The following YTHDF2 variants were observed in gnomAD, a reference collection of about 807,000 sequenced individuals.
YTHDF2 encodes the protein YTH N6-methyladenosine RNA binding protein F2.
In YTHDF2, 2 loss-of-function variants were observed where a neutral mutation model predicts 50.4. The observed-to-expected ratio is 0.04, with a 90% CI of 0.02 to 0.12. The LOEUF (loss-of-function observed/expected upper bound fraction) is 0.12, where lower values mean the gene tolerates loss of function less well. YTHDF2 is among the 10% of genes least tolerant of loss of function. YTHDF2 has a pLI of 1.00. For missense variants in YTHDF2, 483 were observed against 722.6 expected (o/e 0.67, Z 3.80); for synonymous variants, 217 against 255.6 (o/e 0.85, Z 1.44).
Position 28,743,353 on chromosome 1 carries a change from C to T in YTHDF2, c.1083C>T (p.Phe361=), listed in dbSNP as rs146389907. The part of the protein sequence containing the change: ...WVAPRNRGSG[F]GHNGVDGNGV... ...CACCTCGGAACCGTGGCAGTGGGTTCGGTCATAATGGGGTGGATGGTAATG... is the reference window on the plus strand; with the variant it reads ...CACCTCGGAACCGTGGCAGTGGGTTTGGTCATAATGGGGTGGATGGTAATG... Residue 361 remains phenylalanine (F), a synonymous_variant, in exon 4 of 5, where the codon TTC becomes TTT. Coordinates refer to ENST00000373812, the MANE Select transcript of YTHDF2 (RefSeq NM_016258.3). The surrounding 1 kb of genome is among the most constrained non-coding windows in gnomAD (Gnocchi z 6.9). 78 of 1,614,098 alleles carry T rather than the reference C, an allele frequency of 4.8e-5. No individual in the cohort carries two copies. The East Asian group carries it at 1.4e-3, about 29-fold the overall frequency.
intron 4 of YTHDF2, among the ~76,000 whole-genome samples, chr1:28,751,650 ATC>A (rs1295333211): frequency 1.3e-5 from 2 of 152,210 alleles, no homozygotes; most frequent in African/African-American, 4.8e-5. Flanking sequence ...TTGAATTTGT[ATC>A]TCTGAACCAT....
Position 28,753,433 on chromosome 1 carries a change from A to C in YTHDF2, c.1716+9447A>C, listed in dbSNP as rs1377892340. Among the ~76,000 whole-genome samples the C allele has an allele frequency of 9.9e-5, 14 of 141,842 alleles. No homozygotes were observed. The East Asian group carries it at 3.3e-3, about 34-fold the overall frequency. 93.1% of individuals were successfully genotyped at this position (141,842 alleles called of 152,430 possible). The stretch of plus-strand genomic sequence containing the variant: ...TGTGATGAGGCACACCTGTAGTCCT[A>C]GTTGCTCAGGAGGCTGAGACAGGAG... On this transcript the variant is annotated intron_variant, in intron 4 of 4. Coordinates refer to ENST00000373812, the MANE Select transcript of YTHDF2 (RefSeq NM_016258.3).
Position 28,743,524 on chromosome 1 carries a change from C to T in YTHDF2, c.1254C>T (p.Tyr418=), listed in dbSNP as rs2087811413. The T allele has an allele frequency of 6.2e-7, 1 of 1,614,156 alleles. No individual in the cohort carries two copies. The highest frequency in any genetic ancestry group is 8.5e-7 in the Non-Finnish European group (1 of 1,180,040). The change falls in exon 4 of 5, where the codon TAC becomes TAT. Residue 418 remains tyrosine (Y), a synonymous_variant. Transcript: ENST00000373812. This position sits in a 1 kb window ranked among gnomAD's most constrained non-coding sequence, Gnocchi z 6.9. ...GCCGGGTTTTCATCATTAAGAGCTA[C>T]TCTGAGGACGATATTCACCGTTCCA... The part of the protein sequence containing the change: ...KHGRVFIIKS[Y]SEDDIHRSIK...
intron 4 of YTHDF2, among the ~76,000 whole-genome samples, chr1:28,758,843 G>A (rs1225720232): frequency 1.3e-5 from 2 of 152,152 alleles, no homozygotes; most frequent in Non-Finnish European, 2.9e-5. Flanking sequence ...GGGAAGTACG[G>A]TGGACCTGGA....
intron 4 of YTHDF2, among the ~76,000 whole-genome samples, chr1:28,767,698 T>C (rs930266300): frequency 3.9e-4 from 59 of 150,990 alleles, no homozygotes; most frequent in African/African-American, 1.4e-3. Context: ...TTAGTAGAGA[T>C]GGGGTTTCAC....
intron 4 of YTHDF2, among the ~76,000 whole-genome samples, chr1:28,755,589 TGA>T (rs1477014265): frequency 1.3e-5 from 2 of 151,448 alleles, no homozygotes; most frequent in Non-Finnish European, 2.9e-5. Flanking sequence ...CCAACACGAG[TGA>T]GAGAAAAGGA....
chr1:28,758,380 T>C (rs2088065508), intron 4 of YTHDF2, among the ~76,000 whole-genome samples: 1 of 152,118 alleles, frequency 6.6e-6, no homozygotes, highest in South Asian at 2.1e-4. Flanking sequence ...AAACTAATAA[T>C]AATAAAATTG....
chr1:28,763,767 T>TG (rs1197746968), intron 4 of YTHDF2, among the ~76,000 whole-genome samples: 8 of 151,410 alleles, frequency 5.3e-5, no homozygotes. Context: ...TTTTTTTTTT[T>TG]TTTGGGATTA....
chr1:28,753,563 G>A (rs2087990230), intron 4 of YTHDF2, among the ~76,000 whole-genome samples: 2 of 151,760 alleles, frequency 1.3e-5, no homozygotes, highest in Admixed American at 1.3e-4. Context: ...TGGCATTCTA[G>A]TAAGAGCATG....
Position 28,737,047 on chromosome 1 carries a change from A to T in YTHDF2, c.-74A>T, listed in dbSNP as rs6697540. ...CAAAAGCCTCCGCCTGCTCCCGCAGACGGGGCTCATCTGCCGCCGCCGCCG... is the reference window on the plus strand; with the variant it reads ...CAAAAGCCTCCGCCTGCTCCCGCAGTCGGGGCTCATCTGCCGCCGCCGCCG... On this transcript the variant is annotated 5_prime_UTR_variant, in exon 1 of 5. Coordinates refer to ENST00000373812, the MANE Select transcript of YTHDF2 (RefSeq NM_016258.3). The T allele has an allele frequency of 2.6e-6, 4 of 1,539,238 alleles. No individual in the cohort carries two copies. The highest frequency in any genetic ancestry group is 2.8e-5 in the African/African-American group (2 of 72,130).
intron 4 of YTHDF2, among the ~76,000 whole-genome samples, chr1:28,757,366 A>G (rs2088048878): frequency 6.6e-6 from 1 of 152,180 alleles, no homozygotes; most frequent in African/African-American, 2.4e-5. Context: ...AGATGAAGAA[A>G]ATGGCCAATC....
At chr1:28,760,816 G>T (rs2124201401) in intron 4 of YTHDF2, among the ~76,000 whole-genome samples, 1 of 152,262 alleles carries the variant, frequency 6.6e-6, no homozygotes, top group East Asian at 1.9e-4. Context: ...CTGATCTCAG[G>T]TGATCCGCCT....
intron 4 of YTHDF2, among the ~76,000 whole-genome samples, chr1:28,752,283 C>G (rs1462368390): frequency 7.8e-6 from 1 of 128,668 alleles, no homozygotes; most frequent in Non-Finnish European, 1.6e-5. Context: ...AATCTGAAAT[C>G]AGCTGTGGTG....
intron 4 of YTHDF2, among the ~76,000 whole-genome samples, chr1:28,762,983 C>T (rs146970337): frequency 2.4e-3 from 360 of 151,308 alleles, no homozygotes; most frequent in African/African-American, 8.5e-3. Flanking sequence ...TGTGCCACCA[C>T]GCTTGGCTAA....
At chr1:28,755,913 A>C (rs2088029333) in intron 4 of YTHDF2, among the ~76,000 whole-genome samples, 1 of 152,180 alleles carries the variant, frequency 6.6e-6, no homozygotes, top group Non-Finnish European at 1.5e-5. Context: ...AATTTCAGAT[A>C]GGGGATACAC....
intron 4 of YTHDF2, among the ~76,000 whole-genome samples, chr1:28,763,354 A>G (rs979820242): frequency 3.3e-5 from 5 of 151,154 alleles, no homozygotes; most frequent in African/African-American, 4.9e-5. Flanking sequence ...GCTCGCTGCA[A>G]CCTCTGCCCC....
chr1:28,754,645 A>T (rs1172617810), intron 4 of YTHDF2, among the ~76,000 whole-genome samples: 1 of 151,496 alleles, frequency 6.6e-6, no homozygotes, highest in Non-Finnish European at 1.5e-5. Context: ...ACATGGTGAA[A>T]CCCCATCTCT....
intron 3 of YTHDF2, among the ~76,000 whole-genome samples, chr1:28,741,516 C>G (rs1443587410): frequency 6.6e-6 from 1 of 152,092 alleles, no homozygotes; most frequent in Non-Finnish European, 1.5e-5. Context: ...CCAGGCTGGT[C>G]TCGAACTGAC....
chr1:28,741,543 C>G (rs940665166), intron 3 of YTHDF2, among the ~76,000 whole-genome samples: 2 of 152,214 alleles, frequency 1.3e-5, no homozygotes, highest in Admixed American at 1.3e-4. Context: ...TCATCCACCC[C>G]TCTGTCTCCC....
Sources: allele counts gnomAD v4.1 joint callset (sites outside exome capture counted in the v4.1 genomes callset), GRCh38; gene constraint gnomAD v4.1.1; non-coding constraint Gnocchi (gnomAD v3.1); transcripts MANE v1.5; gene names NCBI Gene and HGNC (gene_info 2026-07-23, HGNC 2026-07-21).